Variants in APP observed in about 807,000 individuals in gnomAD.
The protein encoded by APP is amyloid beta precursor protein, also known as amyloid-beta precursor protein.
A neutral mutation model predicts 101.4 loss-of-function variants in APP; 31 were observed. The ratio of observed to expected loss-of-function variants is 0.31; its 90% CI spans 0.23 to 0.41. APP has a LOEUF of 0.41. Ranked by LOEUF, APP falls within the 10% of genes least tolerant of loss-of-function variation. APP has a pLI of 1.00. For missense variants in APP, 839 were observed against 1,003.7 expected, an observed-to-expected ratio of 0.84 and a Z score of 2.22; for synonymous variants, 366 against 364.4, an observed-to-expected ratio of 1.00 and a Z score of -0.05.
intron 13 of APP, among the ~76,000 whole-genome samples, chr21:25,927,576 A>G (rs1832152384): frequency 6.6e-6 from 1 of 152,212 alleles, no homozygotes; most frequent in Non-Finnish European, 1.5e-5. Context: ...CCCAGAGTTA[A>G]AACTCAGACT....
At position 26,059,890 on chromosome 21, in the gene APP, C is replaced by CAAAAAAAAAAAAAAAAAA. The variant is rs57594630; in HGVS notation, c.356-6560_356-6543dup. 1.6e-4 allele frequency among the ~76,000 whole-genome samples: 11 copies of CAAAAAAAAAAAAAAAAAA among 70,660 alleles called. No homozygotes were observed. In the East Asian group the frequency reaches 1.7e-3, roughly 11 times the overall value. 46.4% of individuals were successfully genotyped at this position (70,660 alleles called of 152,430 possible). On this transcript the variant is annotated intron_variant, in intron 3 of 17. Transcript: ENST00000346798. ...TGAGCGAAAGAGCGAGACTCCGTCT[C>CAAAAAAAAAAAAAAAAAA]AAAAAAAAAAAAAAAAAAAAAAAAA... is the stretch of plus-strand genomic sequence containing the variant.
chr21:25,960,180 AT>A (rs1220476575), intron 11 of APP, among the ~76,000 whole-genome samples: 1 of 116,660 alleles, frequency 8.6e-6, no homozygotes, highest in Non-Finnish European at 1.7e-5. Context: ...CATTCATCTC[AT>A]GACAGAAGTG....
chr21:25,975,805 A>G (rs569927223), intron 10 of APP, 149 bp downstream of exon 10: 3 of 701,500 alleles, frequency 4.3e-6, no homozygotes, highest in Non-Finnish European at 7.8e-6. Flanking sequence ...AAACAACTCA[A>G]TTACTAGACA....
chr21:26,169,688 G>A (rs930079194), intron 1 of APP, among the ~76,000 whole-genome samples: 4 of 152,242 alleles, frequency 2.6e-5, no homozygotes, highest in African/African-American at 9.6e-5. Flanking sequence ...GGAGCCGGGC[G>A]GGAGCCTCGG....
At position 26,146,862 on chromosome 21, in the gene APP, T is replaced by C. The variant is rs45573537; in HGVS notation, c.57+23702A>G. ...CTGACAAACTGTACTGGGTACATAA[T>C]ACTAGGTAATCCAGTATTGGTACTG... is the stretch of plus-strand genomic sequence containing the variant. On this transcript the variant is annotated intron_variant, in intron 1 of 17. Transcript: ENST00000346798. 8.0e-3 allele frequency among the ~76,000 whole-genome samples: 1,216 copies of C among 152,350 alleles called. 8 individuals carry two copies. The highest frequency in any genetic ancestry group is 0.013 in the Non-Finnish European group (906 of 68,024).
At chr21:26,020,859 CT>C (rs2044304916) in intron 6 of APP, among the ~76,000 whole-genome samples, 1 of 152,070 alleles carries the variant, frequency 6.6e-6, no homozygotes, top group Admixed American at 6.5e-5. Flanking sequence ...CAAGTATGAC[CT>C]TTAGTTCTTT....
intron 5 of APP, among the ~76,000 whole-genome samples, chr21:26,039,250 T>C (rs765766968): frequency 6.6e-6 from 1 of 152,204 alleles, no homozygotes; most frequent in Non-Finnish European, 1.5e-5. Context: ...ACTACTAGCA[T>C]TGAAAGAACT....
intron 6 of APP, among the ~76,000 whole-genome samples, chr21:26,010,731 G>C (rs772242487): frequency 6.0e-5 from 8 of 132,752 alleles, no homozygotes; most frequent in Non-Finnish European, 1.1e-4. Context: ...TGAGGCAAGA[G>C]AATCGCTTGA....
intron 2 of APP, among the ~76,000 whole-genome samples, chr21:26,102,947 G>A (rs1180678185): frequency 7.0e-6 from 1 of 143,348 alleles, no homozygotes; most frequent in African/African-American, 2.5e-5. Context: ...TATTCGAGTT[G>A]TTTCCATAAT....
At chr21:26,113,603 G>A (rs2062374578) in intron 1 of APP, among the ~76,000 whole-genome samples, 1 of 152,202 alleles carries the variant, frequency 6.6e-6, no homozygotes, top group African/African-American at 2.4e-5. Flanking sequence ...AGATGGTTAA[G>A]TCAAAGCAGC....
At chr21:26,095,227 T>A (rs1201241879) in intron 2 of APP, among the ~76,000 whole-genome samples, 7 of 152,080 alleles carry the variant, frequency 4.6e-5, no homozygotes, top group African/African-American at 1.7e-4. Context: ...GATCCTCCTG[T>A]CCTGGCCTCC....
At chr21:26,111,438 G>A (rs934362003) in intron 2 of APP, among the ~76,000 whole-genome samples, 2 of 152,088 alleles carry the variant, frequency 1.3e-5, no homozygotes, top group Admixed American at 1.3e-4. Context: ...ATATACTGAA[G>A]ATGAAAGGAG....
At chr21:26,142,498 GTGGT>G (rs1275985118) in intron 1 of APP, among the ~76,000 whole-genome samples, 3 of 152,192 alleles carry the variant, frequency 2.0e-5, no homozygotes, top group Non-Finnish European at 4.4e-5. Context: ...GCCAGGCACG[GTGGT>G]TGATGTCTAT....
intron 1 of APP, among the ~76,000 whole-genome samples, chr21:26,146,885 C>G (rs1397095385): frequency 6.6e-6 from 1 of 152,186 alleles, no homozygotes; most frequent in Non-Finnish European, 1.5e-5. Flanking sequence ...AGTATTGGTA[C>G]TGGGTAAATA....
chr21:26,008,576 C>T (rs989769158), intron 6 of APP, among the ~76,000 whole-genome samples: 1 of 152,198 alleles, frequency 6.6e-6, no homozygotes, highest in Non-Finnish European at 1.5e-5. Context: ...GGTATAAATA[C>T]TCCCACCATT....
At chr21:25,989,703 A>T (rs1303226737) in intron 8 of APP, among the ~76,000 whole-genome samples, 1 of 152,158 alleles carries the variant, frequency 6.6e-6, no homozygotes, top group Non-Finnish European at 1.5e-5. Context: ...ACAAATTAAG[A>T]CCTATATAAA....
chr21:25,915,077 C>T (rs1301375176), intron 13 of APP, among the ~76,000 whole-genome samples: 2 of 152,206 alleles, frequency 1.3e-5, no homozygotes, highest in Non-Finnish European at 2.9e-5. Context: ...ATTCCAACTC[C>T]TTTGCCAGAT....
chr21:25,987,268 C>T (rs2042673667), intron 8 of APP, among the ~76,000 whole-genome samples: 1 of 152,184 alleles, frequency 6.6e-6, no homozygotes, highest in South Asian at 2.1e-4. Context: ...CCTTGGGTCC[C>T]TCCTTCAGCC....
In APP at chr21:25,959,090, G is replaced by A. The variant is rs115969441; in HGVS notation, c.1459-3335C>T. On this transcript the variant is annotated intron_variant, in intron 11 of 17. Transcript: ENST00000346798. ...ATCACTTTGTGATCTGGCCCTTCAA[G>A]GAGAATCTAAAATAGACCAAGTTTA... Among the ~76,000 whole-genome samples the A allele has an allele frequency of 4.0e-3, 607 of 152,276 alleles. 2 individuals carry two copies. The highest frequency in any genetic ancestry group is 0.014 in the African/African-American group (566 of 41,562).
Sources: gnomAD v4.1 joint callset for allele counts (sites outside exome capture counted in the v4.1 genomes callset) on GRCh38, gnomAD v4.1.1 for gene constraint, MANE v1.5 for transcripts, NCBI Gene and HGNC (gene_info 2026-07-23, HGNC 2026-07-21) for gene names.